Variants in SLC36A1 observed in about 807,000 individuals in gnomAD.
SLC36A1 encodes the protein solute carrier family 36 member 1.
Under a neutral mutation model 47.5 loss-of-function variants are expected in SLC36A1, and 30 were observed. That is an observed-to-expected ratio of 0.63 (90% CI 0.47 to 0.86). SLC36A1 has a LOEUF of 0.86. Among genes scored for constraint, SLC36A1 ranks in the 40% least tolerant of loss-of-function variants. The pLI is 0.00. For synonymous variants in SLC36A1, 255 were observed against 249.7 expected, an observed-to-expected ratio of 1.02 and a Z score of -0.20; for missense variants, 517 against 606.0, an observed-to-expected ratio of 0.85 and a Z score of 1.54.
At chr5:151,460,033 G>C (rs946228818) in intron 2 of SLC36A1, among the ~76,000 whole-genome samples, 1 of 152,206 alleles carries the variant, frequency 6.6e-6, no homozygotes, top group Non-Finnish European at 1.5e-5. Flanking sequence ...TGCTTTTGTA[G>C]ATTCCCCATT....
the SLC36A1 span, chr5:151,378,785 C>T: frequency 1.3e-5 from 2 of 152,616 alleles, no homozygotes; most frequent in African/African-American, 4.8e-5. Context: ...GTTGCTGGGC[C>T]ACCTGCCACC....
the SLC36A1 span, chr5:151,382,180 T>C: frequency 0.011 from 11,994 of 1,079,676 alleles, 525 homozygotes; most frequent in East Asian, 0.14. Context: ...TGCATGGCAC[T>C]GAATGAGCAG....
chr5:151,520,179 C>G, the SLC36A1 span, among the ~76,000 whole-genome samples: 7 of 152,230 alleles, frequency 4.6e-5, no homozygotes, highest in African/African-American at 1.7e-4. Context: ...GCAGCTGGAC[C>G]CATAAAGGGC....
the SLC36A1 span, chr5:151,522,179 C>G: frequency 9.8e-7 from 1 of 1,023,716 alleles, no homozygotes. Context: ...CTACGTTTCT[C>G]TGCCCCACGC....
At chr5:151,472,571 T>C (rs1250859578) in intron 7 of SLC36A1, among the ~76,000 whole-genome samples, 1 of 152,162 alleles carries the variant, frequency 6.6e-6, no homozygotes, top group African/African-American at 2.4e-5. Flanking sequence ...GCCCATTTTT[T>C]AAAGCATTCT....
intron 1 of SLC36A1, among the ~76,000 whole-genome samples, chr5:151,458,304 G>GTATATATATATATATA (rs1754919443): frequency 2.7e-4 from 21 of 76,578 alleles, no homozygotes; most frequent in African/African-American, 1.5e-3. Context: ...ACATACACGT[G>GTATATATATATATATA]TATATACGTA....
chr5:151,441,500 A>G (rs1413774823), intron 1 of SLC36A1, among the ~76,000 whole-genome samples: 1 of 152,218 alleles, frequency 6.6e-6, no homozygotes, highest in Non-Finnish European at 1.5e-5. Context: ...TGTGAAGAGT[A>G]AAAGTCTTAA....
the SLC36A1 span, among the ~76,000 whole-genome samples, chr5:151,523,516 C>T: frequency 6.6e-6 from 1 of 152,108 alleles, no homozygotes; most frequent in Admixed American, 6.5e-5. Context: ...GTGTCTATAG[C>T]CTGTGTTTTT....
the SLC36A1 span, among the ~76,000 whole-genome samples, chr5:151,421,328 A>C: frequency 3.1e-5 from 4 of 130,994 alleles, no homozygotes; most frequent in African/African-American, 2.9e-5. Flanking sequence ...TGCAACCTCC[A>C]CCTCCTGAGC....
At position 151,467,206 on chromosome 5, in the gene SLC36A1, G is replaced by A. The variant is rs1208716813; in HGVS notation, c.427G>A (p.Val143Met). Residue 143 changes from valine to methionine, a missense_variant, in exon 6 of 11, where the codon GTG becomes ATG. By Grantham distance (21) the Val-to-Met change is conservative (BLOSUM62 1). Transcript: ENST00000243389. ...RNHAHWGRRV[V>M]DFFLIVTQLG... is the part of the protein sequence containing the mutation. ...TTCCTTCCCCACCTCCAGACGTGTT[G>A]TGGACTTCTTCCTGATTGTCACCCA... 5.0e-6 allele frequency: 8 copies of A among 1,611,652 alleles called. No individual in the cohort carries two copies. The highest frequency in any genetic ancestry group is 6.8e-6 in the Non-Finnish European group (8 of 1,178,772).
the SLC36A1 span, chr5:151,551,014 G>T: frequency 1.3e-6 from 1 of 772,600 alleles, no homozygotes; most frequent in Non-Finnish European, 2.1e-6. Context: ...TTGAATGAAT[G>T]ACAGTATTTC....
chr5:151,545,257 G>T, the SLC36A1 span: 4 of 1,614,166 alleles, frequency 2.5e-6, no homozygotes, highest in East Asian at 2.2e-5. Context: ...TTGGGTCAAA[G>T]AAATTTTTAC....
chr5:151,435,888 G>A (rs190677726), upstream of SLC36A1, among the ~76,000 whole-genome samples: 118 of 151,926 alleles, frequency 7.8e-4, 2 homozygotes, highest in Middle Eastern at 0.014. Flanking sequence ...TAATATTTAT[G>A]AAAGACATAT....
the SLC36A1 span, among the ~76,000 whole-genome samples, chr5:151,518,371 A>ATTATTAGTATTATT: frequency 7.6e-6 from 1 of 131,110 alleles, no homozygotes. Flanking sequence ...TAATAATAAT[A>ATTATTAGTATTATT]ATAATTTTTA....
chr5:151,367,361 A>ATATTTTTTTTTTT, the SLC36A1 span, among the ~76,000 whole-genome samples: 3 of 118,846 alleles, frequency 2.5e-5, no homozygotes, highest in African/African-American at 1.0e-4. Flanking sequence ...CCAGGAATGC[A>ATATTTTTTTTTTT]TTTTTTTTTT....
chr5:151,365,297 T>C, the SLC36A1 span, among the ~76,000 whole-genome samples: 1 of 152,250 alleles, frequency 6.6e-6, no homozygotes, highest in Non-Finnish European at 1.5e-5. Flanking sequence ...TGAATCAAGA[T>C]GTTGCCTGTG....
the SLC36A1 span, among the ~76,000 whole-genome samples, chr5:151,519,245 G>A: frequency 6.6e-6 from 1 of 152,244 alleles, no homozygotes. Context: ...TCACGAGGCT[G>A]AGGCAGCAGA....
chr5:151,441,822 C>G (rs1287383610), intron 1 of SLC36A1, among the ~76,000 whole-genome samples: 3 of 152,008 alleles, frequency 2.0e-5, no homozygotes, highest in Admixed American at 6.6e-5. Flanking sequence ...AAGCATGTAA[C>G]TTGATAAGTT....
At chr5:151,397,529 G>T in the SLC36A1 span, among the ~76,000 whole-genome samples, 2 of 152,086 alleles carry the variant, frequency 1.3e-5, no homozygotes, top group African/African-American at 4.8e-5. Flanking sequence ...GCTCATGCCT[G>T]TAATCCCAGC....
Sources: gnomAD v4.1 joint callset for allele counts (sites outside exome capture counted in the v4.1 genomes callset) on GRCh38, gnomAD v4.1.1 for gene constraint, MANE v1.5 for transcripts, NCBI Gene and HGNC (gene_info 2026-07-23, HGNC 2026-07-21) for gene names.